The following FAM171B variants were observed in gnomAD, a reference collection of about 807,000 sequenced individuals.
FAM171B encodes the protein protein FAM171B.
Under a neutral mutation model 75.6 loss-of-function variants are expected in FAM171B, and 19 were observed. That is an observed-to-expected ratio of 0.25 (90% CI 0.18 to 0.37). The LOEUF (loss-of-function observed/expected upper bound fraction) is 0.37. Among genes scored for constraint, FAM171B ranks in the 10% least tolerant of loss-of-function variants. The pLI is 1.00. For synonymous variants in FAM171B, 367 were observed against 361.7 expected (o/e 1.01, Z -0.17); for missense variants, 848 against 982.4 (o/e 0.86, Z 1.83).
At chr2:186,721,614 T>TAATTATACAATTATAC in intron 1 of FAM171B, among the ~76,000 whole-genome samples, 1 of 152,324 alleles carries the variant, frequency 6.6e-6, no homozygotes, top group South Asian at 2.1e-4. Context: ...CAGAATAATT[T>TAATTATACAATTATAC]AATTATACAA....
At position 186,762,156 on chromosome 2, in the gene FAM171B, T is replaced by A; in HGVS notation, c.1814T>A (p.Ile605Asn). 1 of 1,613,586 alleles carries A rather than the reference T, an allele frequency of 6.2e-7. No homozygotes were observed. Among genetic ancestry groups the A allele is most frequent in the African/African-American group, 1.3e-5 (1 of 74,958 alleles). Residue 605 changes from isoleucine (I) to asparagine (N), a missense_variant, in exon 8 of 8, where the codon ATC becomes AAC. Ile to Asn is a moderately radical substitution (Grantham distance 149, BLOSUM62 -3). Coordinates refer to ENST00000304698, the MANE Select transcript of FAM171B (RefSeq NM_177454.4). The surrounding 1 kb of genome is among the most constrained non-coding windows in gnomAD (Gnocchi z 4.0). ...CCCCCAGATGCCAGGGAAGAGGATA[T>A]CATACTTGAAGGTCAACAGAGCCTG... is the stretch of plus-strand genomic sequence containing the variant. ...AQPPDAREED[I>N]ILEGQQSLPS...
At chr2:186,706,474 G>C (rs1047043831) in intron 1 of FAM171B, among the ~76,000 whole-genome samples, 2 of 152,182 alleles carry the variant, frequency 1.3e-5, no homozygotes, top group Admixed American at 6.5e-5. Flanking sequence ...GAGAATTTCT[G>C]TACTTTGAGC....
chr2:186,750,143 G>T (rs1690428263), intron 4 of FAM171B, among the ~76,000 whole-genome samples: 1 of 152,034 alleles, frequency 6.6e-6, no homozygotes, highest in Non-Finnish European at 1.5e-5. Flanking sequence ...AAAGCAAATA[G>T]ATAAAAAGTA....
Position 186,754,179 on chromosome 2 carries a change from A to T in FAM171B, c.1012+130A>T, listed in dbSNP as rs1690496903. ...TATATGACAATGGGAAAGGAACTTGATCTCAGCTTATTTTTTTTTCATGTG... is the reference window on the plus strand; with the variant it reads ...TATATGACAATGGGAAAGGAACTTGTTCTCAGCTTATTTTTTTTTCATGTG... On this transcript the variant is annotated intron_variant, in intron 6 of 7. Coordinates refer to ENST00000304698, the MANE Select transcript of FAM171B (RefSeq NM_177454.4). 4.7e-6 allele frequency: 3 copies of T among 631,822 alleles called. No homozygotes were observed. In the South Asian group the frequency reaches 6.4e-5, roughly 14 times the overall value. 39.1% of individuals were successfully genotyped at this position (631,822 alleles called of 1,614,324 possible).
rs778672017 is a variant in FAM171B, at chr2:186,762,502, C to T, written c.2160C>T (p.Leu720=). The change falls in exon 8 of 8, where the codon CTC becomes CTT. Residue 720 remains leucine (L), a synonymous_variant. Coordinates refer to ENST00000304698, the MANE Select transcript of FAM171B (RefSeq NM_177454.4). The surrounding 1 kb of genome is among the most constrained non-coding windows in gnomAD (Gnocchi z 4.0). ...ATGAGCTTCACTCAAGTAGAAAGCTCGAGAGGGAGAAAACATTCATCAAAA... is the reference window on the plus strand; with the variant it reads ...ATGAGCTTCACTCAAGTAGAAAGCTTGAGAGGGAGAAAACATTCATCAAAA... The part of the protein sequence containing the change: ...DMNELHSSRK[L]EREKTFIKSM... 19 of 1,613,292 alleles carry T rather than the reference C, an allele frequency of 1.2e-5. No homozygotes were observed. Among genetic ancestry groups the T allele is most frequent in the East Asian group, 1.1e-4 (5 of 44,854 alleles).
intron 1 of FAM171B, among the ~76,000 whole-genome samples, chr2:186,714,843 A>G (rs572487111): frequency 1.3e-5 from 2 of 152,208 alleles, no homozygotes; most frequent in Non-Finnish European, 2.9e-5. Context: ...CTGATTGACA[A>G]GTGTGGCAAA....
chr2:186,744,620 C>T (rs1228441487), intron 3 of FAM171B, among the ~76,000 whole-genome samples: 4 of 152,042 alleles, frequency 2.6e-5, no homozygotes, highest in Admixed American at 6.6e-5. Flanking sequence ...CTCTGCCTCC[C>T]GGGTTCAAGT....
At chr2:186,707,068 A>C (rs1023634420) in intron 1 of FAM171B, among the ~76,000 whole-genome samples, 2 of 152,124 alleles carry the variant, frequency 1.3e-5, no homozygotes, top group African/African-American at 2.4e-5. Flanking sequence ...AATATCATCT[A>C]TATTCTAAGA....
intron 4 of FAM171B, among the ~76,000 whole-genome samples, chr2:186,749,650 T>C (rs1477507786): frequency 6.6e-6 from 1 of 152,188 alleles, no homozygotes; most frequent in African/African-American, 2.4e-5. Flanking sequence ...GCAGTCATGA[T>C]AATGAGGACT....
chr2:186,741,006 T>G (rs1378356239), intron 2 of FAM171B, among the ~76,000 whole-genome samples: 1 of 152,154 alleles, frequency 6.6e-6, no homozygotes, highest in Non-Finnish European at 1.5e-5. Context: ...TAGGGGCAAT[T>G]TGCCATTACA....
intron 1 of FAM171B, among the ~76,000 whole-genome samples, chr2:186,706,792 C>G (rs914705752): frequency 2.0e-5 from 3 of 152,090 alleles, no homozygotes; most frequent in African/African-American, 7.2e-5. Context: ...AATTTACTCC[C>G]CTTTCTTCTT....
At chr2:186,717,641 C>A (rs1314677397) in intron 1 of FAM171B, among the ~76,000 whole-genome samples, 1 of 152,110 alleles carries the variant, frequency 6.6e-6, no homozygotes, top group Non-Finnish European at 1.5e-5. Flanking sequence ...CAGCTGCTAC[C>A]TTAGGCCTCA....
intron 1 of FAM171B, among the ~76,000 whole-genome samples, chr2:186,702,092 ATTATT>A (rs1689670243): frequency 6.6e-6 from 1 of 152,228 alleles, no homozygotes; most frequent in Non-Finnish European, 1.5e-5. Context: ...GCAGTCCTGC[ATTATT>A]GAACAACAAG....
chr2:186,756,827 T>C (rs531368588), intron 6 of FAM171B, among the ~76,000 whole-genome samples: 1 of 152,226 alleles, frequency 6.6e-6, no homozygotes, highest in Non-Finnish European at 1.5e-5. Flanking sequence ...GTTTGCACAA[T>C]TCTCTCCTCA....
intron 1 of FAM171B, 30 bp downstream of exon 1, chr2:186,694,441 C>A: frequency 6.3e-7 from 1 of 1,593,796 alleles, no homozygotes; most frequent in Non-Finnish European, 8.6e-7. Flanking sequence ...CCCGGTCTTT[C>A]AGTCTCGGCC....
chr2:186,697,294 T>C (rs1347646933), intron 1 of FAM171B, among the ~76,000 whole-genome samples: 4 of 152,188 alleles, frequency 2.6e-5, no homozygotes, highest in Non-Finnish European at 4.4e-5. Context: ...TTGGGGTTTT[T>C]TTTGAGACAG....
chr2:186,703,734 T>C (rs1395903295), intron 1 of FAM171B, among the ~76,000 whole-genome samples: 1 of 152,176 alleles, frequency 6.6e-6, no homozygotes, highest in Non-Finnish European at 1.5e-5. Context: ...TGAATTATGT[T>C]TCTTTAAAAC....
rs113476724 is a variant in FAM171B at position 186,745,930 on chromosome 2, G to A, written c.566-1162G>A. ...TGTTACTTTTCTTAACTGTTTTCCA[G>A]GTATTATTTTTCTAGCTTCACACAC... On this transcript the variant is annotated intron_variant, in intron 3 of 7. Coordinates refer to ENST00000304698, the MANE Select transcript of FAM171B (RefSeq NM_177454.4). Among the ~76,000 whole-genome samples the A allele has an allele frequency of 7.6e-3, 1,159 of 152,196 alleles. 18 individuals carry two copies. The highest frequency in any genetic ancestry group is 0.027 in the African/African-American group (1,105 of 41,530).
At position 186,753,961 on chromosome 2, in the gene FAM171B, G is replaced by A. The variant is rs1559092857; in HGVS notation, c.924G>A (p.Met308Ile). The change falls in exon 6 of 8, where the codon ATG (methionine) becomes ATA (isoleucine). Residue 308 changes from methionine to isoleucine, a missense_variant. Coordinates refer to ENST00000304698, the MANE Select transcript of FAM171B (RefSeq NM_177454.4). ...CTTGGGTAAATCATGGTCGGGGAAT[G>A]GTCAAGGAACATAACAATCATTTAA... ...TGAWVNHGRG[M>I]VKEHNNHLIW... 1.9e-6 allele frequency: 3 copies of A among 1,613,440 alleles called. No homozygotes were observed. Among genetic ancestry groups the A allele is most frequent in the Non-Finnish European group, 8.5e-7 (1 of 1,179,670 alleles).
Sources: gnomAD v4.1 joint callset for allele counts (sites outside exome capture counted in the v4.1 genomes callset) on GRCh38, gnomAD v4.1.1 for gene constraint, Gnocchi (gnomAD v3.1) non-coding constraint, MANE v1.5 for transcripts, NCBI Gene and HGNC (gene_info 2026-07-23, HGNC 2026-07-21) for gene names.